CENPI: variants seen among roughly 807,000 people sequenced by gnomAD.
CENPI encodes FSH primary response 1.
CENPI carries 4 observed loss-of-function variants against 60.4 expected under a neutral mutation model. That is an observed-to-expected ratio of 0.07 (90% CI 0.03 to 0.15). The LOEUF (loss-of-function observed/expected upper bound fraction) is 0.15. CENPI is among the 10% of genes least tolerant of loss of function. The probability of loss-of-function intolerance (pLI) is 1.00; values close to 1 mark genes in which losing one functional copy is unlikely to be tolerated. For missense variants in CENPI, 444 were observed against 534.5 expected (o/e 0.83, Z 1.67); for synonymous variants, 157 against 189.4 (o/e 0.83, Z 1.40).
chrX:101,144,087 C>CTTTTTT (rs58858609), intron 16 of CENPI, among the ~76,000 whole-genome samples: 142 of 79,556 alleles, frequency 1.8e-3, no homozygotes, highest in Non-Finnish European at 2.1e-3. Context: ...TTTTCTTTTT[C>CTTTTTT]TTTTTTTTTT....
chrX:101,170,879 G>A (rs769498069), downstream of CENPI, among the ~76,000 whole-genome samples: 2 of 111,032 alleles, frequency 1.8e-5, no homozygotes, highest in Non-Finnish European at 3.8e-5. Context: ...CGATCTGTGC[G>A]CCTCAGACTC....
chrX:101,171,787 T>TG, the CENPI span, among the ~76,000 whole-genome samples: 1 of 111,645 alleles, frequency 9.0e-6, no homozygotes, highest in Non-Finnish European at 1.9e-5. Context: ...GACATGGGGT[T>TG]GGGCAGTGAT....
chrX:101,176,320 A>C, the CENPI span, among the ~76,000 whole-genome samples: 1 of 110,692 alleles, frequency 9.0e-6, no homozygotes, highest in Non-Finnish European at 1.9e-5. Context: ...TTCCTGGAAC[A>C]TATGGTAGTT....
intron 4 of CENPI, among the ~76,000 whole-genome samples, chrX:101,105,431 G>A (rs1296684929): frequency 1.8e-5 from 2 of 111,849 alleles, no homozygotes; most frequent in African/African-American, 6.5e-5. Context: ...GGCTGAGGCA[G>A]GAGAATGGCG....
At chrX:101,152,886 TA>T (rs1429997049) in intron 20 of CENPI, among the ~76,000 whole-genome samples, 1 of 110,370 alleles carries the variant, frequency 9.1e-6, no homozygotes, top group African/African-American at 3.3e-5. Context: ...AGTATTCTTA[TA>T]AAAGGTTTTG....
At chrX:101,150,525 C>T (rs1221250434) in intron 20 of CENPI, among the ~76,000 whole-genome samples, 2 of 110,043 alleles carry the variant, frequency 1.8e-5, no homozygotes, top group African/African-American at 6.6e-5. Context: ...CGTGCGCCAA[C>T]GCTCCTGGCT....
rs760573383 is a variant in CENPI, at chrX:101,127,211, C to G, written c.851C>G (p.Ser284Cys). ...GTGAAGCAAAGAAACCGGGGACCTTCTCCAGAACCTCTGAAGTTGATGTTA... is the reference window on the plus strand; with the variant it reads ...GTGAAGCAAAGAAACCGGGGACCTTGTCCAGAACCTCTGAAGTTGATGTTA... ...LAVKQRNRGP[S>C]PEPLKLMLGP... The change falls in exon 10 of 22, where the codon TCT becomes TGT. Residue 284 changes from serine to cysteine, a missense_variant. Transcript: ENST00000682095. The G allele has an allele frequency of 1.7e-6, 2 of 1,197,594 alleles. No homozygotes were observed. Among genetic ancestry groups the G allele is most frequent in the South Asian group, 1.9e-5 (1 of 53,379 alleles).
chrX:101,109,659 C>T (rs779578208), intron 5 of CENPI, 68 bp downstream of exon 5: 472 of 795,309 alleles, frequency 5.9e-4, no homozygotes, highest in Non-Finnish European at 4.2e-4. Context: ...GGAAGAGCCA[C>T]TTATGAAGTA....
chrX:101,141,733 A>G (rs929948428), intron 16 of CENPI, among the ~76,000 whole-genome samples: 8 of 109,482 alleles, frequency 7.3e-5, no homozygotes, highest in Non-Finnish European at 1.5e-4. Flanking sequence ...AATTACCTCC[A>G]CCTGCCCCCC....
downstream of CENPI, among the ~76,000 whole-genome samples, chrX:101,171,046 A>G (rs143925501): frequency 6.8e-3 from 769 of 112,326 alleles, 7 homozygotes; most frequent in African/African-American, 0.024. Flanking sequence ...ATATTATTTC[A>G]ATAATCAAAA....
Position 101,135,508 on chromosome X carries a change from GTTGTGTTC to G in CENPI, c.1470+3053_1470+3060del, listed in dbSNP as rs1294872913. The stretch of plus-strand genomic sequence containing the variant: ...AAATAGGGTTGAAGATACCTTTTGT[GTTGTGTTC>G]AGAAAAGCAAGGGATAGTCAGACTC... On this transcript the variant is annotated intron_variant, in intron 15 of 21. Coordinates refer to ENST00000682095, the MANE Select transcript of CENPI (RefSeq NM_001386188.2). Among the ~76,000 whole-genome samples, 7 of 112,148 alleles carry G rather than the reference GTTGTGTTC, an allele frequency of 6.2e-5. No homozygotes were observed. In the Admixed American group the frequency reaches 6.6e-4, roughly 11 times the overall value.
intron 20 of CENPI, among the ~76,000 whole-genome samples, chrX:101,157,610 A>C (rs1031096649): frequency 2.9e-5 from 3 of 102,456 alleles, no homozygotes; most frequent in Non-Finnish European, 5.9e-5. Context: ...TGATTGCTCC[A>C]TTGAACTCTA....
intron 15 of CENPI, among the ~76,000 whole-genome samples, chrX:101,140,442 C>A (rs1489567582): frequency 8.9e-6 from 1 of 111,893 alleles, no homozygotes; most frequent in Non-Finnish European, 1.9e-5. Flanking sequence ...ATAAGTTAGG[C>A]AGTCCTGTTG....
At position 101,101,133 on chromosome X, in the gene CENPI, T is replaced by C; in HGVS notation, c.63T>C (p.Ser21=). ...AAAACAGGACTTCACAAGGTAGTAGTAGTTTTCAGACCACGCTTTCAGCCT... is the reference window on the plus strand; with the variant it reads ...AAAACAGGACTTCACAAGGTAGTAGCAGTTTTCAGACCACGCTTTCAGCCT... ...QAQNRTSQGS[S]SFQTTLSAWK... is the part of the protein sequence containing the mutation. Residue 21 remains serine, a synonymous_variant, in exon 3 of 22, where the codon AGT becomes AGC. Transcript: ENST00000682095. 8.3e-7 allele frequency: 1 copy of C among 1,211,567 alleles called. No individual in the cohort carries two copies.
chrX:101,172,726 T>G, the CENPI span, among the ~76,000 whole-genome samples: 1 of 111,589 alleles, frequency 9.0e-6, no homozygotes, highest in Non-Finnish European at 1.9e-5. Context: ...ACCACTGAAT[T>G]GTACATTTTA....
In CENPI at chrX:101,139,346, C is replaced by T. The variant is rs181479493; in HGVS notation, c.1471-1320C>T. 7.0e-3 allele frequency among the ~76,000 whole-genome samples: 773 copies of T among 110,439 alleles called. 7 individuals carry two copies. The highest frequency in any genetic ancestry group is 0.025 in the African/African-American group (751 of 30,402). On this transcript the variant is annotated intron_variant, in intron 15 of 21. Transcript: ENST00000682095. Reference sequence around the variant, plus strand: ...CTGACCTCAGGTAATCTGCCCTTCTCGGCCTCCCAAAGTGCTGGGATTACA... The same window carrying T: ...CTGACCTCAGGTAATCTGCCCTTCTTGGCCTCCCAAAGTGCTGGGATTACA...
At chrX:101,133,892 A>C (rs1450299966) in intron 15 of CENPI, among the ~76,000 whole-genome samples, 1 of 111,805 alleles carries the variant, frequency 8.9e-6, no homozygotes. Flanking sequence ...ATGGAAATAT[A>C]TTCAGGGGAG....
chrX:101,139,390 T>A (rs5921734), intron 15 of CENPI, among the ~76,000 whole-genome samples: 1 of 110,935 alleles, frequency 9.0e-6, no homozygotes, highest in East Asian at 2.8e-4. Flanking sequence ...CCACCACGCC[T>A]GGCCAAGATT....
rs908988709 is a variant in CENPI at position 101,165,631 on chromosome X, C to T, written c.*2664C>T. Among the ~76,000 whole-genome samples, 2 of 111,324 alleles carry T rather than the reference C, an allele frequency of 1.8e-5. No individual in the cohort carries two copies. The highest frequency in any genetic ancestry group is 6.5e-5 in the African/African-American group (2 of 30,672). ...GAATAACCATGACTTTGGATGAGAT[C>T]ACCTAGTACAGCTAGAGAAGAGAAG... On this transcript the variant is annotated 3_prime_UTR_variant, in exon 22 of 22. Coordinates refer to ENST00000682095, the MANE Select transcript of CENPI (RefSeq NM_001386188.2).
Sources: gnomAD v4.1 joint callset for allele counts (sites outside exome capture counted in the v4.1 genomes callset) on GRCh38, gnomAD v4.1.1 for gene constraint, MANE v1.5 for transcripts, NCBI Gene and HGNC (gene_info 2026-07-23, HGNC 2026-07-21) for gene names.